Variants in DLG2 observed in about 807,000 individuals in gnomAD.
The protein encoded by DLG2 is discs large MAGUK scaffold protein 2.
Under a neutral mutation model 132.5 loss-of-function variants are expected in DLG2, and 45 were observed. The observed-to-expected ratio is 0.34, with a 90% CI of 0.27 to 0.44. The LOEUF is 0.44. DLG2 is among the 20% of genes least tolerant of loss of function. The probability of loss-of-function intolerance (pLI) is 1.00; values close to 1 mark genes in which losing one functional copy is unlikely to be tolerated. For missense variants in DLG2, 1,045 were observed against 1,196.9 expected (o/e 0.87, Z 1.87); for synonymous variants, 424 against 419.6 (o/e 1.01, Z -0.13).
At chr11:83,561,149 A>G (rs564739716) in intron 19 of DLG2, among the ~76,000 whole-genome samples, 1 of 152,318 alleles carries the variant, frequency 6.6e-6, no homozygotes, top group Admixed American at 6.5e-5. Flanking sequence ...GCATTGTGCT[A>G]AACCATTCAC....
chr11:84,034,017 G>A (rs1282898274), intron 11 of DLG2, among the ~76,000 whole-genome samples: 1 of 152,138 alleles, frequency 6.6e-6, no homozygotes, highest in Non-Finnish European at 1.5e-5. Flanking sequence ...GGAGGCGGAG[G>A]TTGCGGTGAG....
chr11:85,124,931 C>T (rs1252682509), intron 5 of DLG2, among the ~76,000 whole-genome samples: 1 of 151,718 alleles, frequency 6.6e-6, no homozygotes, highest in Non-Finnish European at 1.5e-5. Context: ...CCCAGGTTCA[C>T]GCCATTCTCC....
At chr11:84,862,321 C>G (rs1343899888) in intron 6 of DLG2, among the ~76,000 whole-genome samples, 1 of 152,138 alleles carries the variant, frequency 6.6e-6, no homozygotes, top group East Asian at 1.9e-4. Context: ...CAGGAAACAA[C>G]AGATGCTGGA....
chr11:84,926,583 G>A (rs1424464612), intron 6 of DLG2, among the ~76,000 whole-genome samples: 4 of 151,918 alleles, frequency 2.6e-5, no homozygotes, highest in African/African-American at 9.7e-5. Context: ...TGTAGGGAGA[G>A]GTGTGGGGTG....
chr11:84,738,255 T>A (rs1270769196), intron 6 of DLG2, among the ~76,000 whole-genome samples: 1 of 151,960 alleles, frequency 6.6e-6, no homozygotes, highest in Non-Finnish European at 1.5e-5. Flanking sequence ...TTAAAAAACA[T>A]CAGGAACCTA....
chr11:85,240,884 T>G lies in DLG2; in HGVS notation c.186+44336A>C, dbSNP rs538207583. Among the ~76,000 whole-genome samples the G allele has an allele frequency of 6.6e-5, 10 of 151,874 alleles. No individual in the cohort carries two copies. The South Asian group carries it at 2.1e-3, about 32-fold the overall frequency. On this transcript the variant is annotated intron_variant, in intron 4 of 27. Coordinates refer to ENST00000376104, the MANE Select transcript of DLG2 (RefSeq NM_001142699.3). ...AGCCATACCTCTTTACTCTTTTTCC[T>G]ATCTTAGTTATTCTTAATATCTATA...
intron 7 of DLG2, among the ~76,000 whole-genome samples, chr11:84,409,708 G>C (rs2098888359): frequency 6.6e-6 from 1 of 152,134 alleles, no homozygotes; most frequent in African/African-American, 2.4e-5. Context: ...ATCAGGGCAA[G>C]CATTGTAACC....
At chr11:85,195,241 C>T (rs1160939961) in intron 4 of DLG2, among the ~76,000 whole-genome samples, 2 of 152,044 alleles carry the variant, frequency 1.3e-5, no homozygotes, top group Admixed American at 6.6e-5. Context: ...GGGAAGAGGA[C>T]ATTTTAGTGC....
At chr11:85,238,865 T>C (rs1432301653) in intron 4 of DLG2, among the ~76,000 whole-genome samples, 2 of 151,860 alleles carry the variant, frequency 1.3e-5, no homozygotes, top group African/African-American at 4.8e-5. Context: ...ATCCTTACAC[T>C]GAATTCATTT....
At chr11:85,500,771 A>T (rs888948088) in intron 3 of DLG2, among the ~76,000 whole-genome samples, 5 of 152,280 alleles carry the variant, frequency 3.3e-5, no homozygotes, top group South Asian at 4.1e-4. Flanking sequence ...ATAAGAGAGG[A>T]CACAAACAAA....
chr11:85,356,155 A>G (rs1265860989), intron 3 of DLG2, among the ~76,000 whole-genome samples: 2 of 152,206 alleles, frequency 1.3e-5, no homozygotes, highest in Non-Finnish European at 2.9e-5. Flanking sequence ...CAGACTCTCC[A>G]TTTGTTGCCT....
chr11:84,335,539 T>C (rs1472393940), intron 7 of DLG2, among the ~76,000 whole-genome samples: 1 of 152,188 alleles, frequency 6.6e-6, no homozygotes, highest in Non-Finnish European at 1.5e-5. Flanking sequence ...AAGTAATATA[T>C]ACATGCTGAT....
chr11:84,427,303 T>G lies in DLG2; in HGVS notation c.519+107267A>C, dbSNP rs2154471445. ...CGGAAGAAAAAGTTTTTACAATAGG[T>G]AGATTCTTCACATGCAGTTTTAATT... is the stretch of plus-strand genomic sequence containing the variant. On this transcript the variant is annotated intron_variant, in intron 7 of 27. Coordinates refer to ENST00000376104, the MANE Select transcript of DLG2 (RefSeq NM_001142699.3). Among the ~76,000 whole-genome samples, 2 of 152,270 alleles carry G rather than the reference T, an allele frequency of 1.3e-5. 1 individual carries two copies. The highest frequency in any genetic ancestry group is 4.8e-5 in the African/African-American group (2 of 41,560).
rs190963099 is a variant in DLG2, at chr11:85,481,396, G to C, written c.40+117261C>G. On this transcript the variant is annotated intron_variant, in intron 3 of 27. Transcript: ENST00000376104. ...TTCACAATAGGTAAGGAAACCAAGA[G>C]ATTACAGCACCTGGGTACAGCACCA... Among the ~76,000 whole-genome samples the C allele has an allele frequency of 1.4e-4, 21 of 152,280 alleles. 1 individual carries two copies. Among genetic ancestry groups the C allele is most frequent in the African/African-American group, 4.1e-4 (17 of 41,552 alleles).
chr11:84,541,291 G>C (rs898219095), intron 6 of DLG2, among the ~76,000 whole-genome samples: 1 of 151,910 alleles, frequency 6.6e-6, no homozygotes, highest in African/African-American at 2.4e-5. Flanking sequence ...GCTCAAGACA[G>C]GGATGCCTGG....
chr11:83,537,842 G>A lies in DLG2; in HGVS notation c.2117+3840C>T, dbSNP rs1406604756. Among the ~76,000 whole-genome samples, 587 of 99,996 alleles carry A rather than the reference G, an allele frequency of 5.9e-3. 14 individuals are homozygous for A. The highest frequency in any genetic ancestry group is 0.012 in the Middle Eastern group (2 of 172). 65.6% of individuals were successfully genotyped at this position (99,996 alleles called of 152,430 possible). A position where few individuals can be genotyped will look rare whatever the true frequency, so the allele number is the denominator to read the frequency against. On this transcript the variant is annotated intron_variant, in intron 20 of 27. Coordinates refer to ENST00000376104, the MANE Select transcript of DLG2 (RefSeq NM_001142699.3). ...AAAAAAAAAAAAAAAAAAAGAGAGA[G>A]AGAGATACCATGGAACAAAACCCAG...
Position 84,391,894 on chromosome 11 carries a change from G to A in DLG2, c.520-140603C>T, listed in dbSNP as rs552558567. On this transcript the variant is annotated intron_variant, in intron 7 of 27. Transcript: ENST00000376104. ...TTTGCCAGCTAAGGGGGTACAAAGA[G>A]AACCATAAGTGCCACCAGCGTTAGT... Among the ~76,000 whole-genome samples, 7 of 152,120 alleles carry A rather than the reference G, an allele frequency of 4.6e-5. No homozygotes were observed. The South Asian group carries it at 1.2e-3, about 27-fold the overall frequency.
At position 84,304,566 on chromosome 11, in the gene DLG2, T is replaced by C. The variant is rs538009304; in HGVS notation, c.520-53275A>G. Among the ~76,000 whole-genome samples, 3 of 152,336 alleles carry C rather than the reference T, an allele frequency of 2.0e-5. No homozygotes were observed. In the South Asian group the frequency reaches 6.2e-4, roughly 32 times the overall value. ...GATAATAAATATTTTTCTGACTTTC[T>C]AGCCTTACAGTTTCTATCACAACTA... On this transcript the variant is annotated intron_variant, in intron 7 of 27. Coordinates refer to ENST00000376104, the MANE Select transcript of DLG2 (RefSeq NM_001142699.3).
chr11:85,487,946 G>A (rs1288465153), intron 3 of DLG2, among the ~76,000 whole-genome samples: 1 of 152,200 alleles, frequency 6.6e-6, no homozygotes, highest in Admixed American at 6.5e-5. Flanking sequence ...ATGTGCTGTG[G>A]GAGGGACCCA....
Sources: allele counts gnomAD v4.1 joint callset (sites outside exome capture counted in the v4.1 genomes callset), GRCh38; gene constraint gnomAD v4.1.1; transcripts MANE v1.5; gene names NCBI Gene and HGNC (gene_info 2026-07-23, HGNC 2026-07-21).